The following MYO3B variants were observed in gnomAD, a reference collection of about 807,000 sequenced individuals.
The protein encoded by MYO3B is myosin IIIB, also known as myosin-IIIb.
Under a neutral mutation model 174.6 loss-of-function variants are expected in MYO3B, and 156 were observed. The observed-to-expected ratio is 0.89, with a 90% CI of 0.78 to 1.02. The LOEUF (loss-of-function observed/expected upper bound fraction) is 1.02. Among genes scored for constraint, MYO3B ranks in the 50% least tolerant of loss-of-function variants. The pLI is 0.00. For missense variants in MYO3B, 1,632 were observed against 1,639.4 expected (o/e 1.00, Z 0.08); for synonymous variants, 563 against 569.1 (o/e 0.99, Z 0.15).
At chr2:170,232,737 T>G (rs1225099043) in intron 6 of MYO3B, among the ~76,000 whole-genome samples, 5 of 152,222 alleles carry the variant, frequency 3.3e-5, no homozygotes, top group Non-Finnish European at 7.3e-5. Context: ...GAAGATTAAG[T>G]TCAGTGTGTA....
At position 170,227,496 on chromosome 2, in the gene MYO3B, G is replaced by A. The variant is rs374327370; in HGVS notation, c.604-8495G>A. ...GACAGGGTTCCATCATGTTGCCCAGGCTGGTCTTGAACTCCTGGGCTCAAG... is the reference window on the plus strand; with the variant it reads ...GACAGGGTTCCATCATGTTGCCCAGACTGGTCTTGAACTCCTGGGCTCAAG... On this transcript the variant is annotated intron_variant, in intron 6 of 34. Coordinates refer to ENST00000408978, the MANE Select transcript of MYO3B (RefSeq NM_138995.5). 4.7e-4 allele frequency among the ~76,000 whole-genome samples: 71 copies of A among 152,246 alleles called. 1 individual carries two copies. The South Asian group carries it at 0.015, about 31-fold the overall frequency.
intron 32 of MYO3B, among the ~76,000 whole-genome samples, chr2:170,593,715 G>A (rs1184438433): frequency 6.6e-6 from 1 of 152,188 alleles, no homozygotes; most frequent in African/African-American, 2.4e-5. Flanking sequence ...GTAATTAAAA[G>A]AGAACTGCAC....
At chr2:170,573,718 T>C (rs541009256) in intron 32 of MYO3B, among the ~76,000 whole-genome samples, 9 of 152,278 alleles carry the variant, frequency 5.9e-5, no homozygotes, top group Middle Eastern at 3.4e-3. Flanking sequence ...AAGATAATGC[T>C]AATATATATT....
intron 8 of MYO3B, among the ~76,000 whole-genome samples, chr2:170,352,141 C>T (rs1368372674): frequency 6.6e-6 from 1 of 152,056 alleles, no homozygotes; most frequent in South Asian, 2.1e-4. Context: ...TTAGTAGAGA[C>T]GGGGTTTCAC....
intron 30 of MYO3B, chr2:170,524,420 C>T (rs562258965): frequency 1.3e-4 from 51 of 399,198 alleles, no homozygotes; most frequent in African/African-American, 1.0e-3. Context: ...TCTTCTGTCT[C>T]CAACAATAAT....
chr2:170,266,447 A>G (rs552935670), intron 7 of MYO3B, among the ~76,000 whole-genome samples: 423 of 152,342 alleles, frequency 2.8e-3, no homozygotes, highest in Non-Finnish European at 4.9e-3. Flanking sequence ...TAGGATATCT[A>G]CTAGAAATTA....
chr2:170,475,224 T>C (rs1685243727), intron 25 of MYO3B, among the ~76,000 whole-genome samples: 1 of 152,112 alleles, frequency 6.6e-6, no homozygotes, highest in African/African-American at 2.4e-5. Context: ...TCACTTCCCT[T>C]TCGCAGGGTC....
At chr2:170,572,439 A>AC (rs1449852234) in intron 32 of MYO3B, among the ~76,000 whole-genome samples, 1 of 151,526 alleles carries the variant, frequency 6.6e-6, no homozygotes, top group African/African-American at 2.4e-5. Context: ...AAAAAAAAAA[A>AC]ACCCATCTCT....
chr2:170,272,631 G>A (rs932676423), intron 7 of MYO3B, among the ~76,000 whole-genome samples: 3 of 152,182 alleles, frequency 2.0e-5, no homozygotes, highest in African/African-American at 7.2e-5. Context: ...CAAAAACCAT[G>A]TGTTGAGAAC....
At chr2:170,347,178 T>C (rs986539084) in intron 8 of MYO3B, among the ~76,000 whole-genome samples, 2 of 152,210 alleles carry the variant, frequency 1.3e-5, no homozygotes, top group Non-Finnish European at 2.9e-5. Context: ...GTAAGATTTA[T>C]TTAAAGCTTA....
At chr2:170,400,405 T>TG (rs1288176244) in intron 17 of MYO3B, 91 bp downstream of exon 17, 1 of 1,067,772 alleles carries the variant, frequency 9.4e-7, no homozygotes, top group Non-Finnish European at 1.2e-6. Context: ...GCTGGTCCTT[T>TG]TTTTTTTTTT....
At chr2:170,605,752 C>T (rs62168212) in intron 32 of MYO3B, among the ~76,000 whole-genome samples, 1 of 151,946 alleles carries the variant, frequency 6.6e-6, no homozygotes, top group Non-Finnish European at 1.5e-5. Flanking sequence ...CCCAGCTACT[C>T]GGGAGGTTGA....
intron 16 of MYO3B, among the ~76,000 whole-genome samples, chr2:170,398,704 T>C (rs1306176544): frequency 3.3e-5 from 5 of 152,178 alleles, no homozygotes; most frequent in African/African-American, 1.2e-4. Flanking sequence ...TAGATGCTTT[T>C]GTGCCAGGAA....
chr2:170,252,593 C>G (rs1481314980), intron 7 of MYO3B, among the ~76,000 whole-genome samples: 1 of 152,106 alleles, frequency 6.6e-6, no homozygotes, highest in South Asian at 2.1e-4. Flanking sequence ...AAAACAGTCC[C>G]TGTCCTCTTG....
intron 17 of MYO3B, among the ~76,000 whole-genome samples, chr2:170,401,090 T>G (rs1052915069): frequency 1.3e-5 from 2 of 152,174 alleles, no homozygotes; most frequent in African/African-American, 4.8e-5. Context: ...AATCCTCAAA[T>G]ATGAACAACA....
chr2:170,417,063 A>G (rs935029793), intron 22 of MYO3B, among the ~76,000 whole-genome samples: 6 of 151,978 alleles, frequency 3.9e-5, no homozygotes, highest in Admixed American at 3.3e-4. Flanking sequence ...TGACCTCGTG[A>G]TCTGCCTGCC....
chr2:170,574,924 T>C (rs1022002378), intron 32 of MYO3B, among the ~76,000 whole-genome samples: 2 of 152,160 alleles, frequency 1.3e-5, no homozygotes, highest in Admixed American at 1.3e-4. Flanking sequence ...CCTCTTCTCT[T>C]TCCCCTTTCA....
intron 33 of MYO3B, 98 bp downstream of exon 33, chr2:170,651,832 A>G (rs1192695837): frequency 6.6e-6 from 3 of 455,842 alleles, no homozygotes; most frequent in East Asian, 1.7e-4. Flanking sequence ...CCCCACCCCC[A>G]CCCTCATGCT....
At chr2:170,592,892 C>T (rs1693902802) in intron 32 of MYO3B, among the ~76,000 whole-genome samples, 1 of 151,610 alleles carries the variant, frequency 6.6e-6, no homozygotes, top group South Asian at 2.1e-4. Flanking sequence ...ACAGATATAT[C>T]TATATCTGTT....
Sources: allele counts gnomAD v4.1 joint callset (sites outside exome capture counted in the v4.1 genomes callset), GRCh38; gene constraint gnomAD v4.1.1; transcripts MANE v1.5; gene names NCBI Gene and HGNC (gene_info 2026-07-23, HGNC 2026-07-21).